Variants in WWOX observed in about 807,000 individuals in gnomAD.
WWOX encodes the protein WW domain-containing oxidoreductase.
A neutral mutation model predicts 46.2 loss-of-function variants in WWOX; 69 were observed. The ratio of observed to expected loss-of-function variants is 1.49; its 90% confidence interval spans 1.23 to 1.82. The LOEUF is 1.82. Among genes scored for constraint, WWOX ranks in the 40% most tolerant of loss-of-function variants. The pLI is 0.00. For synonymous variants in WWOX, 359 were observed against 202.6 expected, an observed-to-expected ratio of 1.77 and a Z score of -6.56; for missense variants, 919 against 542.6, an observed-to-expected ratio of 1.69 and a Z score of -6.89.
At chr16:78,575,027 ATATATATATATATATAT>A (rs2044827355) in intron 8 of WWOX, among the ~76,000 whole-genome samples, 1 of 1,726 alleles carries the variant, frequency 5.8e-4, no homozygotes, top group East Asian at 0.02. Flanking sequence ...ATATAAATAT[ATATATATATATATATAT>A]ATATATATAT....
chr16:78,903,731 G>A (rs906784682), intron 8 of WWOX, among the ~76,000 whole-genome samples: 5 of 152,192 alleles, frequency 3.3e-5, no homozygotes, highest in African/African-American at 9.7e-5. Flanking sequence ...TCTTCAAGCT[G>A]CCATCCATTA....
chr16:78,957,893 A>T (rs1358833074), intron 8 of WWOX, among the ~76,000 whole-genome samples: 4 of 152,158 alleles, frequency 2.6e-5, no homozygotes, highest in Non-Finnish European at 5.9e-5. Context: ...CACATGACTA[A>T]TCCGCCCTTT....
intron 8 of WWOX, among the ~76,000 whole-genome samples, chr16:78,936,465 A>G (rs1334234870): frequency 6.6e-6 from 1 of 152,156 alleles, no homozygotes; most frequent in African/African-American, 2.4e-5. Flanking sequence ...TACTCAGTGA[A>G]TAAATAGGTA....
At chr16:78,679,610 C>T (rs369048601) in intron 8 of WWOX, among the ~76,000 whole-genome samples, 3 of 152,110 alleles carry the variant, frequency 2.0e-5, no homozygotes, top group African/African-American at 7.2e-5. Flanking sequence ...TTCTCCCCAC[C>T]TCTTTTAATT....
chr16:78,937,318 G>C (rs1457779967), intron 8 of WWOX, among the ~76,000 whole-genome samples: 2 of 151,856 alleles, frequency 1.3e-5, no homozygotes, highest in African/African-American at 4.8e-5. Context: ...CTTTAATTAT[G>C]CTAATTTGAT....
chr16:78,333,091 C>G (rs1196249695), intron 5 of WWOX, among the ~76,000 whole-genome samples: 6 of 122,564 alleles, frequency 4.9e-5, no homozygotes, highest in Admixed American at 9.5e-5. Flanking sequence ...GCTCTGTCAC[C>G]CAGGCCTGGA....
chr16:78,731,474 G>A (rs1242002131), intron 8 of WWOX, among the ~76,000 whole-genome samples: 1 of 152,084 alleles, frequency 6.6e-6, no homozygotes, highest in East Asian at 1.9e-4. Flanking sequence ...ACAAAGAGAA[G>A]GAATATAAGC....
chr16:78,403,118 G>A (rs2082451156), intron 6 of WWOX, among the ~76,000 whole-genome samples: 1 of 152,154 alleles, frequency 6.6e-6, no homozygotes, highest in African/African-American at 2.4e-5. Flanking sequence ...AGTCGTCATT[G>A]GCAAGGGAGA....
chr16:78,651,217 C>CT (rs1426507882), intron 8 of WWOX, among the ~76,000 whole-genome samples: 1 of 152,252 alleles, frequency 6.6e-6, no homozygotes, highest in Non-Finnish European at 1.5e-5. Context: ...AATCTGCCCT[C>CT]TTTCACGTGT....
chr16:78,359,698 C>T lies in WWOX; in HGVS notation c.517-27162C>T, dbSNP rs187160041. Among the ~76,000 whole-genome samples the T allele has an allele frequency of 9.2e-5, 14 of 152,286 alleles. No homozygotes were observed. In the East Asian group the frequency reaches 2.3e-3, roughly 25 times the overall value. ...AAATTTTCATTGTGGAAATCAACTG[C>T]CACAAAAACACAACCTTTTACGAGA... On this transcript the variant is annotated intron_variant, in intron 5 of 8. Transcript: ENST00000566780.
At chr16:79,045,507 C>T (rs924513835) in intron 8 of WWOX, among the ~76,000 whole-genome samples, 5 of 152,142 alleles carry the variant, frequency 3.3e-5, no homozygotes, top group Admixed American at 2.0e-4. Context: ...TGTTAGTTTC[C>T]CTTACTTGGA....
At chr16:78,826,943 AT>A (rs1266248318) in intron 8 of WWOX, among the ~76,000 whole-genome samples, 1 of 152,090 alleles carries the variant, frequency 6.6e-6, no homozygotes, top group South Asian at 2.1e-4. Flanking sequence ...AAGCTATTAC[AT>A]TTTTTGAATA....
At chr16:78,433,786 T>C (rs970056689) in intron 8 of WWOX, among the ~76,000 whole-genome samples, 39 of 109,504 alleles carry the variant, frequency 3.6e-4, no homozygotes, top group Non-Finnish European at 5.1e-4. Flanking sequence ...ACTTTTTTTT[T>C]TTTTTTTTTT....
intron 8 of WWOX, among the ~76,000 whole-genome samples, chr16:79,151,006 C>G (rs534032284): frequency 2.6e-5 from 4 of 152,294 alleles, no homozygotes; most frequent in Non-Finnish European, 5.9e-5. Flanking sequence ...GGACGTTGCA[C>G]AGGAATTATT....
chr16:78,405,645 T>G (rs2082510433), intron 6 of WWOX, among the ~76,000 whole-genome samples: 1 of 152,240 alleles, frequency 6.6e-6, no homozygotes, highest in Admixed American at 6.5e-5. Context: ...TCTCAATGAT[T>G]GGTGGGTACC....
chr16:79,139,306 C>G (rs1401334149), intron 8 of WWOX, among the ~76,000 whole-genome samples: 3 of 152,172 alleles, frequency 2.0e-5, no homozygotes, highest in Non-Finnish European at 4.4e-5. Flanking sequence ...AGTCAAATTC[C>G]AGCTACAGAA....
chr16:78,430,011 T>C (rs115934080), intron 7 of WWOX, among the ~76,000 whole-genome samples: 1,893 of 152,262 alleles, frequency 0.012, 38 homozygotes, highest in African/African-American at 0.043. Flanking sequence ...TCTGTTCTCA[T>C]GCTGCTAAGA....
intron 5 of WWOX, among the ~76,000 whole-genome samples, chr16:78,312,875 G>C (rs996812332): frequency 6.6e-6 from 1 of 152,256 alleles, no homozygotes; most frequent in African/African-American, 2.4e-5. Flanking sequence ...TAGCACGCAG[G>C]GCCTCACTTC....
chr16:78,330,248 A>T (rs1303295433), intron 5 of WWOX, among the ~76,000 whole-genome samples: 1 of 152,210 alleles, frequency 6.6e-6, no homozygotes, highest in African/African-American at 2.4e-5. Flanking sequence ...CCTTAATGCC[A>T]CTGAATTGTT....
Sources: gnomAD v4.1 joint callset for allele counts (sites outside exome capture counted in the v4.1 genomes callset) on GRCh38, gnomAD v4.1.1 for gene constraint, MANE v1.5 for transcripts, NCBI Gene and HGNC (gene_info 2026-07-23, HGNC 2026-07-21) for gene names.